Variants in MYO5B observed in about 807,000 individuals in gnomAD.
The protein encoded by MYO5B is myosin VB.
A neutral mutation model predicts 229.3 loss-of-function variants in MYO5B; 143 were observed. The ratio of observed to expected loss-of-function variants is 0.62; its 90% CI spans 0.54 to 0.72. The LOEUF is 0.72. Ranked by LOEUF, MYO5B falls within the 30% of genes least tolerant of loss-of-function variation. MYO5B has a pLI of 0.00. For missense variants in MYO5B, 2,321 were observed against 2,331.0 expected, an observed-to-expected ratio of 1.00 and a Z score of 0.09; for synonymous variants, 918 against 885.2, an observed-to-expected ratio of 1.04 and a Z score of -0.66.
At chr18:50,082,169 A>G (rs987999547) in intron 1 of MYO5B, among the ~76,000 whole-genome samples, 8 of 152,180 alleles carry the variant, frequency 5.3e-5, no homozygotes, top group African/African-American at 1.9e-4. Context: ...CAAGGGCTGG[A>G]GGAGAGTTGG....
chr18:49,960,523 A>G (rs2025547228), intron 12 of MYO5B, among the ~76,000 whole-genome samples: 1 of 152,232 alleles, frequency 6.6e-6, no homozygotes, highest in Admixed American at 6.5e-5. Flanking sequence ...CTTTCACTGA[A>G]GCATACAGTT....
At chr18:50,109,426 CTTTT>C (rs901383493) in intron 1 of MYO5B, among the ~76,000 whole-genome samples, 1 of 130,594 alleles carries the variant, frequency 7.7e-6, no homozygotes, top group Admixed American at 7.6e-5. Context: ...CATGATTTTT[CTTTT>C]TTTTTTTTTT....
At chr18:50,088,830 T>C (rs1000898920) in intron 1 of MYO5B, among the ~76,000 whole-genome samples, 6 of 152,228 alleles carry the variant, frequency 3.9e-5, no homozygotes, top group African/African-American at 1.4e-4. Flanking sequence ...ACACACTTCT[T>C]TTGAAGAAAG....
chr18:50,078,923 A>T (rs1451480365), intron 1 of MYO5B, among the ~76,000 whole-genome samples: 1 of 152,266 alleles, frequency 6.6e-6, no homozygotes, highest in Non-Finnish European at 1.5e-5. Flanking sequence ...AGAAGGAAGA[A>T]GCCACCACTA....
chr18:50,183,055 T>G (rs937400183), intron 1 of MYO5B, among the ~76,000 whole-genome samples: 2 of 152,104 alleles, frequency 1.3e-5, no homozygotes, highest in African/African-American at 4.8e-5. Context: ...AAACTACCTA[T>G]GACCTCAAAG....
intron 36 of MYO5B, among the ~76,000 whole-genome samples, chr18:49,838,928 G>A (rs555380965): frequency 6.6e-6 from 1 of 152,184 alleles, no homozygotes; most frequent in Non-Finnish European, 1.5e-5. Context: ...AAGAGATAAA[G>A]GGAAAGTCAT....
intron 18 of MYO5B, among the ~76,000 whole-genome samples, chr18:49,908,171 G>A (rs1568026690): frequency 6.6e-6 from 1 of 152,176 alleles, no homozygotes; most frequent in African/African-American, 2.4e-5. Context: ...AGGAAGGGAT[G>A]ATATGCTCTG....
chr18:49,870,100 G>T (rs938154599), intron 27 of MYO5B, among the ~76,000 whole-genome samples: 3 of 152,166 alleles, frequency 2.0e-5, no homozygotes, highest in Admixed American at 6.5e-5. Flanking sequence ...GGAGGGTTTT[G>T]AATCTTTAGA....
At chr18:49,987,232 C>T (rs1198826237) in intron 7 of MYO5B, among the ~76,000 whole-genome samples, 1 of 152,146 alleles carries the variant, frequency 6.6e-6, no homozygotes, top group Non-Finnish European at 1.5e-5. Flanking sequence ...ACTGCAGGGG[C>T]CACCTGGGTC....
chr18:50,032,391 G>C (rs558722208), intron 4 of MYO5B, among the ~76,000 whole-genome samples: 43 of 152,224 alleles, frequency 2.8e-4, no homozygotes, highest in Non-Finnish European at 5.1e-4. Flanking sequence ...TCCAGCCCTA[G>C]GCAGCTGTAA....
chr18:50,057,123 T>C (rs1458794730), intron 1 of MYO5B, among the ~76,000 whole-genome samples: 1 of 152,214 alleles, frequency 6.6e-6, no homozygotes, highest in Non-Finnish European at 1.5e-5. Flanking sequence ...GAGAAAACCT[T>C]CTGAGCATTT....
At chr18:50,024,634 T>G (rs1014908255) in intron 4 of MYO5B, among the ~76,000 whole-genome samples, 1 of 152,150 alleles carries the variant, frequency 6.6e-6, no homozygotes, top group African/African-American at 2.4e-5. Context: ...ACATTATCGA[T>G]CTGTAATAGG....
chr18:50,116,040 G>A (rs1346559943), intron 1 of MYO5B, among the ~76,000 whole-genome samples: 1 of 152,210 alleles, frequency 6.6e-6, no homozygotes, highest in African/African-American at 2.4e-5. Context: ...TCTTCAGGGT[G>A]TAAGACACTA....
chr18:50,182,671 A>G (rs2033089185), intron 1 of MYO5B, among the ~76,000 whole-genome samples: 1 of 152,242 alleles, frequency 6.6e-6, no homozygotes, highest in Non-Finnish European at 1.5e-5. Flanking sequence ...GGGGCTCCAC[A>G]TTCCATAGAC....
At chr18:50,118,247 T>A (rs1270822193) in intron 1 of MYO5B, among the ~76,000 whole-genome samples, 1 of 152,176 alleles carries the variant, frequency 6.6e-6, no homozygotes, top group Admixed American at 6.5e-5. Context: ...ACTAGGATGG[T>A]TGGTCACCAT....
At chr18:49,884,369 A>T (rs1033650700) in intron 22 of MYO5B, among the ~76,000 whole-genome samples, 71 of 152,156 alleles carry the variant, frequency 4.7e-4, no homozygotes, top group African/African-American at 1.6e-3. Context: ...TATTTCTATT[A>T]TTATTACATT....
At chr18:49,937,895 A>T (rs1180745907) in intron 14 of MYO5B, among the ~76,000 whole-genome samples, 1 of 152,186 alleles carries the variant, frequency 6.6e-6, no homozygotes, top group African/African-American at 2.4e-5. Context: ...TTGGAGTAAT[A>T]AAAATATTCC....
At chr18:50,065,154 T>C (rs2030787702) in intron 1 of MYO5B, among the ~76,000 whole-genome samples, 1 of 152,206 alleles carries the variant, frequency 6.6e-6, no homozygotes, top group Non-Finnish European at 1.5e-5. Context: ...AGCTGTTCAA[T>C]AAACATTCAA....
intron 39 of MYO5B, among the ~76,000 whole-genome samples, chr18:49,831,462 A>T (rs2023920457): frequency 6.6e-6 from 1 of 152,236 alleles, no homozygotes; most frequent in Non-Finnish European, 1.5e-5. Flanking sequence ...TAAATACTGG[A>T]ATAGATATTT....
Sources: gnomAD v4.1 joint callset for allele counts (sites outside exome capture counted in the v4.1 genomes callset) on GRCh38, gnomAD v4.1.1 for gene constraint, MANE v1.5 for transcripts, NCBI Gene and HGNC (gene_info 2026-07-23, HGNC 2026-07-21) for gene names.